Variants in TRAPPC9 observed in about 807,000 individuals in gnomAD.
TRAPPC9 encodes IKK2 binding protein.
In TRAPPC9, 83 loss-of-function variants were observed where a neutral mutation model predicts 124.0. The observed-to-expected ratio is 0.67, with a 90% CI of 0.56 to 0.80. The LOEUF (loss-of-function observed/expected upper bound fraction) is 0.80. TRAPPC9 is among the 30% of genes least tolerant of loss of function. TRAPPC9 has a pLI of 0.00. For missense variants in TRAPPC9, 1,302 were observed against 1,508.3 expected (o/e 0.86, Z 2.27); for synonymous variants, 638 against 617.5 (o/e 1.03, Z -0.49).
intron 4 of TRAPPC9, among the ~76,000 whole-genome samples, chr8:140,431,649 TTCTC>T (rs1411651469): frequency 2.0e-5 from 3 of 152,182 alleles, no homozygotes; most frequent in Admixed American, 1.3e-4. Context: ...TTTGCACACA[TTCTC>T]TCTAATTCTC....
chr8:140,037,178 T>C (rs929193629), intron 17 of TRAPPC9, among the ~76,000 whole-genome samples: 2 of 151,942 alleles, frequency 1.3e-5, no homozygotes, highest in Non-Finnish European at 2.9e-5. Context: ...CTGCCCGGGC[T>C]CAGACCCCAT....
At chr8:140,019,991 C>A (rs1839732337) in intron 18 of TRAPPC9, among the ~76,000 whole-genome samples, 1 of 151,520 alleles carries the variant, frequency 6.6e-6, no homozygotes, top group African/African-American at 2.4e-5. Context: ...TCCCATCACA[C>A]CCGGCTAATT....
chr8:140,023,808 G>T, intron 18 of TRAPPC9, 129 bp downstream of exon 18: 1 of 1,394,196 alleles, frequency 7.2e-7, no homozygotes, highest in Non-Finnish European at 1.0e-6. Context: ...TCCCAGAGAG[G>T]CTCAGCAACT....
intron 7 of TRAPPC9, among the ~76,000 whole-genome samples, chr8:140,394,428 TC>T (rs1234430774): frequency 1.3e-5 from 2 of 152,206 alleles, no homozygotes; most frequent in African/African-American, 4.8e-5. Context: ...GGCCAGTCCT[TC>T]CAGTGACCAC....
intron 9 of TRAPPC9, among the ~76,000 whole-genome samples, chr8:140,352,367 A>G (rs138950613): frequency 7.2e-4 from 109 of 152,354 alleles, no homozygotes; most frequent in Non-Finnish European, 1.4e-3. Context: ...GGCACTGCAT[A>G]GCGACAGTTG....
At chr8:139,760,989 A>G (rs1374995747) in intron 21 of TRAPPC9, among the ~76,000 whole-genome samples, 4 of 152,220 alleles carry the variant, frequency 2.6e-5, no homozygotes, top group African/African-American at 9.7e-5. Flanking sequence ...TGAATCTCCT[A>G]CAGTCTCTGC....
chr8:140,013,233 G>A (rs544569702), intron 18 of TRAPPC9, among the ~76,000 whole-genome samples: 13 of 152,194 alleles, frequency 8.5e-5, no homozygotes, highest in African/African-American at 2.4e-4. Flanking sequence ...GGTTCCACTC[G>A]GACCGTGACC....
chr8:139,743,295 A>G (rs1296196727), intron 21 of TRAPPC9, among the ~76,000 whole-genome samples: 1 of 152,286 alleles, frequency 6.6e-6, no homozygotes, highest in East Asian at 1.9e-4. Context: ...CGCCTCCCCG[A>G]CCTGGCCCCA....
intron 21 of TRAPPC9, among the ~76,000 whole-genome samples, chr8:139,802,124 C>G (rs1309991208): frequency 6.6e-6 from 1 of 152,226 alleles, no homozygotes; most frequent in Non-Finnish European, 1.5e-5. Flanking sequence ...TCCCACGCAA[C>G]CCAGTACAGA....
intron 21 of TRAPPC9, among the ~76,000 whole-genome samples, chr8:139,845,041 C>A (rs1826985493): frequency 3.9e-5 from 6 of 152,212 alleles, no homozygotes; most frequent in Admixed American, 6.5e-5. Flanking sequence ...TGCCCGGATT[C>A]ATCGTGGTTT....
At chr8:139,958,668 T>G (rs1835154917) in intron 19 of TRAPPC9, among the ~76,000 whole-genome samples, 2 of 151,948 alleles carry the variant, frequency 1.3e-5, no homozygotes, top group Non-Finnish European at 2.9e-5. Flanking sequence ...GGCCGACCAC[T>G]CTGTAGCCCC....
At chr8:140,296,848 C>T (rs1227963601) in intron 11 of TRAPPC9, among the ~76,000 whole-genome samples, 2 of 152,210 alleles carry the variant, frequency 1.3e-5, no homozygotes, top group African/African-American at 2.4e-5. Context: ...TCAAAAGTTC[C>T]GTAGGGGAGA....
chr8:140,126,023 C>A (rs542123361), intron 17 of TRAPPC9, among the ~76,000 whole-genome samples: 10 of 152,230 alleles, frequency 6.6e-5, no homozygotes, highest in African/African-American at 2.4e-4. Context: ...CCGCCAGCCT[C>A]GGCCTCCCAA....
chr8:139,958,714 C>T (rs909156293), intron 19 of TRAPPC9, among the ~76,000 whole-genome samples: 2 of 152,214 alleles, frequency 1.3e-5, no homozygotes, highest in African/African-American at 4.8e-5. Context: ...AGGCACCACA[C>T]TTATTTACAG....
At chr8:140,437,451 C>A (rs556004319) in intron 3 of TRAPPC9, among the ~76,000 whole-genome samples, 1 of 152,182 alleles carries the variant, frequency 6.6e-6, no homozygotes, top group African/African-American at 2.4e-5. Context: ...CGCAAAACCC[C>A]GTCTCTACTA....
intron 18 of TRAPPC9, among the ~76,000 whole-genome samples, chr8:139,997,908 GACAATGCATCCCACACAGGGGAT>G (rs1563677076): frequency 1.5e-4 from 5 of 33,664 alleles, no homozygotes; most frequent in Admixed American, 3.2e-4. Context: ...ACACAGGGGA[GACAATGCATCCCACACAGGGGAT>G]ACAATGCATC....
rs933511474 is a variant in TRAPPC9 at position 140,216,966 on chromosome 8, G to A, written c.2556+4493C>T. Among the ~76,000 whole-genome samples, 11 of 152,248 alleles carry A rather than the reference G, an allele frequency of 7.2e-5. No individual in the cohort carries two copies. In the East Asian group the frequency reaches 1.2e-3, roughly 16 times the overall value. On this transcript the variant is annotated intron_variant, in intron 17 of 22. Transcript: ENST00000438773. The surrounding 1 kb of genome is among the most constrained non-coding windows in gnomAD (Gnocchi z 4.1). The stretch of plus-strand genomic sequence containing the variant: ...CCCTTGTTTCCCCATCACACGGCAC[G>A]CTGCTTAACACGGTCCTCAGTGGAC...
intron 11 of TRAPPC9, among the ~76,000 whole-genome samples, chr8:140,295,440 G>T (rs937570234): frequency 6.6e-6 from 1 of 152,216 alleles, no homozygotes; most frequent in Non-Finnish European, 1.5e-5. Flanking sequence ...CCACCTGACA[G>T]CCACAGCCTC....
chr8:140,161,044 A>G (rs1223227985), intron 17 of TRAPPC9, among the ~76,000 whole-genome samples: 1 of 152,148 alleles, frequency 6.6e-6, no homozygotes, highest in Non-Finnish European at 1.5e-5. Flanking sequence ...GGCTTGGAGG[A>G]GTCAGTGACT....
Sources: allele counts gnomAD v4.1 joint callset (sites outside exome capture counted in the v4.1 genomes callset), GRCh38; gene constraint gnomAD v4.1.1; non-coding constraint Gnocchi (gnomAD v3.1); transcripts MANE v1.5; gene names NCBI Gene and HGNC (gene_info 2026-07-23, HGNC 2026-07-21).